Variants in NCAM2 observed in about 807,000 individuals in gnomAD.
NCAM2 encodes the protein N-CAM-2.
Under a neutral mutation model 98.1 loss-of-function variants are expected in NCAM2, and 30 were observed. The ratio of observed to expected loss-of-function variants is 0.31; its 90% confidence interval spans 0.23 to 0.41. The LOEUF (loss-of-function observed/expected upper bound fraction) is 0.41. Ranked by LOEUF, NCAM2 falls within the 10% of genes least tolerant of loss-of-function variation. The pLI, the probability that NCAM2 is intolerant of heterozygous loss-of-function variation, is 1.00. For synonymous variants in NCAM2, 368 were observed against 342.4 expected, an observed-to-expected ratio of 1.07 and a Z score of -0.83; for missense variants, 867 against 1,005.8, an observed-to-expected ratio of 0.86 and a Z score of 1.87.
chr21:21,099,179 T>C (rs1712264851), intron 1 of NCAM2, among the ~76,000 whole-genome samples: 1 of 148,934 alleles, frequency 6.7e-6, no homozygotes, highest in South Asian at 2.1e-4. Context: ...AAAGGATCAA[T>C]AATCAGTTTT....
At chr21:21,064,096 G>T (rs2065381811) in intron 1 of NCAM2, among the ~76,000 whole-genome samples, 1 of 152,154 alleles carries the variant, frequency 6.6e-6, no homozygotes, top group Admixed American at 6.5e-5. Flanking sequence ...TGAAGGCCCT[G>T]AGTTGTGAGA....
chr21:21,302,142 G>A, intron 5 of NCAM2, among the ~76,000 whole-genome samples: 1 of 150,820 alleles, frequency 6.6e-6, no homozygotes, highest in East Asian at 1.9e-4. Context: ...AAATCATGCT[G>A]CTATAAAGAC....
intron 6 of NCAM2, among the ~76,000 whole-genome samples, chr21:21,327,306 C>A (rs957410239): frequency 3.5e-3 from 284 of 81,954 alleles, no homozygotes; most frequent in Middle Eastern, 7.6e-3. Context: ...GACTCTGTCT[C>A]AAAAAAAAAA....
At chr21:21,218,576 C>A (rs1269643858) in intron 1 of NCAM2, among the ~76,000 whole-genome samples, 1 of 152,080 alleles carries the variant, frequency 6.6e-6, no homozygotes, top group Middle Eastern at 3.2e-3. Context: ...TCCAGTGTAA[C>A]CCCAGGAGTC....
rs577509132 is a variant in NCAM2 at position 21,487,844 on chromosome 21, C to A, written c.2077+10373C>A. On this transcript the variant is annotated intron_variant, in intron 15 of 17. Transcript: ENST00000400546. Reference sequence around the variant, plus strand: ...TAGGCCTAGGAGGTAGCAGTAAATTCTTTCCTATAAAATGTATTCTTACGT... The same window carrying A: ...TAGGCCTAGGAGGTAGCAGTAAATTATTTCCTATAAAATGTATTCTTACGT... Among the ~76,000 whole-genome samples the A allele has an allele frequency of 5.3e-5, 8 of 152,260 alleles. No individual in the cohort carries two copies. In the South Asian group the frequency reaches 1.2e-3, roughly 24 times the overall value.
At position 21,284,306 on chromosome 21, in the gene NCAM2, C is replaced by T; in HGVS notation, c.243C>T (p.Tyr81=). 6.2e-7 allele frequency: 1 copy of T among 1,612,106 alleles called. No homozygotes were observed. Among genetic ancestry groups the T allele is most frequent in the South Asian group, 1.1e-5 (1 of 91,038 alleles). Residue 81 remains tyrosine (Y), a synonymous_variant, in exon 3 of 18, where the codon TAC becomes TAT. Coordinates refer to ENST00000400546, the MANE Select transcript of NCAM2 (RefSeq NM_004540.5). The part of the protein sequence containing the change: ...KEGVRSRLTI[Y]NANIEDAGIY... ...GTGTTAGGTCACGGTTAACCATCTA[C>T]AATGCAAATATAGAAGATGCAGGGA...
At chr21:21,280,955 CT>C (rs1030991262) in intron 2 of NCAM2, among the ~76,000 whole-genome samples, 2 of 151,580 alleles carry the variant, frequency 1.3e-5, no homozygotes, top group Non-Finnish European at 2.9e-5. Context: ...TAATTTTTGT[CT>C]TTTTGTGTTT....
intron 1 of NCAM2, among the ~76,000 whole-genome samples, chr21:21,060,346 A>G (rs1385657128): frequency 6.6e-6 from 1 of 152,168 alleles, no homozygotes; most frequent in African/African-American, 2.4e-5. Context: ...TTAAATGCAC[A>G]AGCATATCTG....
intron 3 of NCAM2, among the ~76,000 whole-genome samples, chr21:21,285,976 GT>G (rs1248244569): frequency 6.6e-6 from 1 of 151,904 alleles, no homozygotes; most frequent in Non-Finnish European, 1.5e-5. Context: ...CAAGAAGACA[GT>G]TTTCCTGAGT....
intron 1 of NCAM2, among the ~76,000 whole-genome samples, chr21:21,235,105 TA>T (rs762481384): frequency 9.9e-5 from 15 of 152,000 alleles, no homozygotes; most frequent in Non-Finnish European, 2.2e-4. Flanking sequence ...CCTTTTTTCT[TA>T]GGTAATCTTA....
chr21:21,015,689 TTTTG>T (rs942845485), intron 1 of NCAM2, among the ~76,000 whole-genome samples: 9 of 151,934 alleles, frequency 5.9e-5, no homozygotes, highest in Admixed American at 1.3e-4. Flanking sequence ...TGTATTTCTG[TTTTG>T]TTTGTTTGTT....
At chr21:21,490,361 C>T (rs570146673) in intron 15 of NCAM2, among the ~76,000 whole-genome samples, 3 of 151,930 alleles carry the variant, frequency 2.0e-5, no homozygotes, top group African/African-American at 7.2e-5. Context: ...ATACTTTCAT[C>T]CAAGTAGAAT....
At chr21:21,172,563 G>A (rs2068158982) in intron 1 of NCAM2, among the ~76,000 whole-genome samples, 1 of 152,026 alleles carries the variant, frequency 6.6e-6, no homozygotes, top group Non-Finnish European at 1.5e-5. Context: ...ATAATCACTT[G>A]ATTGCCATTT....
chr21:21,041,079 A>G (rs546221543), intron 1 of NCAM2, among the ~76,000 whole-genome samples: 1 of 152,298 alleles, frequency 6.6e-6, no homozygotes, highest in African/African-American at 2.4e-5. Flanking sequence ...AAATAATTAT[A>G]AGAAAGAAAA....
At chr21:21,439,355 G>A (rs551900809) in intron 12 of NCAM2, among the ~76,000 whole-genome samples, 1 of 152,256 alleles carries the variant, frequency 6.6e-6, no homozygotes, top group Admixed American at 6.5e-5. Context: ...CTGACCTCAG[G>A]TGATCCAATC....
intron 9 of NCAM2, among the ~76,000 whole-genome samples, chr21:21,384,212 A>C (rs1419323978): frequency 6.6e-6 from 1 of 152,042 alleles, no homozygotes; most frequent in Non-Finnish European, 1.5e-5. Context: ...ACATAAAGCA[A>C]AAGAAAATCT....
chr21:21,152,997 G>A (rs1394577446), intron 1 of NCAM2, among the ~76,000 whole-genome samples: 1 of 151,878 alleles, frequency 6.6e-6, no homozygotes, highest in East Asian at 1.9e-4. Context: ...AGTGTCTCCA[G>A]GAAGAAAGTC....
chr21:21,134,531 T>G (rs2146626495), intron 1 of NCAM2, among the ~76,000 whole-genome samples: 1 of 152,272 alleles, frequency 6.6e-6, no homozygotes, highest in African/African-American at 2.4e-5. Flanking sequence ...TACAGACACT[T>G]TAGTCCTGGA....
At chr21:21,203,351 T>G (rs2069306318) in intron 1 of NCAM2, among the ~76,000 whole-genome samples, 1 of 152,194 alleles carries the variant, frequency 6.6e-6, no homozygotes, top group Non-Finnish European at 1.5e-5. Flanking sequence ...CAAGAAAATC[T>G]GAAAAACAAA....
Sources: allele counts gnomAD v4.1 joint callset (sites outside exome capture counted in the v4.1 genomes callset), GRCh38; gene constraint gnomAD v4.1.1; transcripts MANE v1.5; gene names NCBI Gene and HGNC (gene_info 2026-07-23, HGNC 2026-07-21).